ZBTB45: variants seen among roughly 807,000 people sequenced by gnomAD.
ZBTB45 encodes the protein zinc finger and BTB domain-containing protein 45.
A neutral mutation model predicts 28.4 loss-of-function variants in ZBTB45; 22 were observed. The ratio of observed to expected loss-of-function variants is 0.77; its 90% CI spans 0.55 to 1.10. ZBTB45 has a LOEUF of 1.10. Ranked by LOEUF, ZBTB45 falls within the 50% of genes least tolerant of loss-of-function variation. The pLI, the probability that ZBTB45 is intolerant of heterozygous loss-of-function variation, is 0.00. For missense variants in ZBTB45, 656 were observed against 750.2 expected (o/e 0.87, Z 1.47); for synonymous variants, 361 against 332.3 (o/e 1.09, Z -0.94).
intron 1 of ZBTB45, among the ~76,000 whole-genome samples, chr19:58,532,150 A>C (rs2053638390): frequency 3.9e-5 from 6 of 152,160 alleles, no homozygotes; most frequent in Admixed American, 3.9e-4. Flanking sequence ...TGGAGCTCTG[A>C]ACAGTCCCTT....
At chr19:58,518,713 A>G (rs1044908827) in intron 1 of ZBTB45, among the ~76,000 whole-genome samples, 3 of 151,954 alleles carry the variant, frequency 2.0e-5, no homozygotes, top group Admixed American at 6.5e-5. Flanking sequence ...TTCCCCTTCT[A>G]TCAAACAAGG....
intron 1 of ZBTB45, among the ~76,000 whole-genome samples, chr19:58,536,322 C>T (rs1394505162): frequency 1.3e-5 from 2 of 151,978 alleles, no homozygotes; most frequent in East Asian, 1.9e-4. Context: ...AAAAATTAGC[C>T]GGGCATGGTG....
chr19:58,516,230 C>T lies in ZBTB45; in HGVS notation c.1279+165G>A, dbSNP rs2053491371. 6.6e-6 allele frequency among the ~76,000 whole-genome samples: 1 copy of T among 152,142 alleles called. No individual in the cohort carries two copies. Among genetic ancestry groups the T allele is most frequent in the Admixed American group, 6.6e-5 (1 of 15,266 alleles). ...TGCTGCTCCACAGAGTGGGGCTTTCCCCTCCCCCACATACCTTGCACTTGG... is the reference window on the plus strand; with the variant it reads ...TGCTGCTCCACAGAGTGGGGCTTTCTCCTCCCCCACATACCTTGCACTTGG... On this transcript the variant is annotated intron_variant, in intron 2 of 2. Coordinates refer to ENST00000594051, the MANE Select transcript of ZBTB45 (RefSeq NM_001316979.2). This position sits in a 1 kb window ranked among gnomAD's most constrained non-coding sequence, Gnocchi z 6.2.
intron 1 of ZBTB45, among the ~76,000 whole-genome samples, chr19:58,527,351 T>C (rs1200737986): frequency 6.6e-6 from 1 of 152,170 alleles, no homozygotes; most frequent in Admixed American, 6.5e-5. Context: ...TATTGTGTTG[T>C]GTAACCTTCA....
rs73066248 is a variant in ZBTB45 at position 58,533,393 on chromosome 19, G to C, written c.-1+5308C>G. Among the ~76,000 whole-genome samples the C allele has an allele frequency of 5.8e-3, 879 of 152,246 alleles. 16 individuals carry two copies. The highest frequency in any genetic ancestry group is 8.4e-3 in the Non-Finnish European group (572 of 68,024). ...TTTAGAGGACACAATTCAGTCCACA[G>C]CAACGATGCATAGAAGACAAGGCAA... On this transcript the variant is annotated intron_variant, in intron 1 of 1. Coordinates refer to the ZBTB45 transcript ENST00000600130.
At position 58,517,686 on chromosome 19, in the gene ZBTB45, AGAG is replaced by A. The variant is rs1452554686; in HGVS notation, c.1-16_1-14del. 2 of 1,606,576 alleles carry A rather than the reference AGAG, an allele frequency of 1.2e-6. No homozygotes were observed. The highest frequency in any genetic ancestry group is 1.3e-5 in the African/African-American group (1 of 74,786). On this transcript the variant is annotated splice_polypyrimidine_tract_variant and intron_variant, in intron 1 of 2. Coordinates refer to ENST00000594051, the MANE Select transcript of ZBTB45 (RefSeq NM_001316979.2). ...CTGCAGCCGCCATCTGCACAGAACA[AGAG>A]GAGGGCAGGGAGAGGTCAACTGAGG...
upstream of ZBTB45, among the ~76,000 whole-genome samples, chr19:58,522,548 T>G (rs1277262981): frequency 1.3e-4 from 20 of 151,846 alleles, no homozygotes; most frequent in Non-Finnish European, 5.9e-5. Flanking sequence ...GGCAGGAGAA[T>G]CGCTTGAACC....
Position 58,517,050 on chromosome 19 carries a change from G to C in ZBTB45, c.624C>G (p.Asp208Glu). The change falls in exon 2 of 3, where the codon GAC (aspartate) becomes GAG (glutamate). Residue 208 changes from aspartate to glutamate, a missense_variant. Physicochemically the swap from Asp to Glu is conservative, Grantham distance 45. Coordinates refer to ENST00000594051, the MANE Select transcript of ZBTB45 (RefSeq NM_001316979.2). The part of the protein sequence containing the change: ...SLSAAPDDRG[D>E]EDDEESDDET... Reference sequence around the variant, plus strand: ...CATCGTCACTTTCCTCGTCATCCTCGTCACCTCGGTCATCAGGGGCCGCGG... The same window carrying C: ...CATCGTCACTTTCCTCGTCATCCTCCTCACCTCGGTCATCAGGGGCCGCGG... 1 of 1,613,224 alleles carries C rather than the reference G, an allele frequency of 6.2e-7. No homozygotes were observed. The highest frequency in any genetic ancestry group is 8.5e-7 in the Non-Finnish European group (1 of 1,180,008).
intron 1 of ZBTB45, chr19:58,519,302 G>T (rs545844242): frequency 2.9e-4 from 44 of 152,432 alleles, no homozygotes; most frequent in African/African-American, 1.0e-3. Flanking sequence ...GGCCGATGGG[G>T]ACGGAAACTT....
At chr19:58,525,147 A>T (rs2053601071) in intron 1 of ZBTB45, among the ~76,000 whole-genome samples, 1 of 151,374 alleles carries the variant, frequency 6.6e-6, no homozygotes, top group Non-Finnish European at 1.5e-5. Context: ...CAGGATCCCA[A>T]CCTCCCTCCA....
At chr19:58,538,703 G>A (rs977179137) in exon 1 of ZBTB45, 1 of 152,166 alleles carries the variant, frequency 6.6e-6, no homozygotes, top group Non-Finnish European at 1.5e-5. Context: ...ACCTTTACCT[G>A]TGCGCGCCTT....
At chr19:58,537,465 T>C (rs1043695977) in intron 1 of ZBTB45, among the ~76,000 whole-genome samples, 1 of 152,096 alleles carries the variant, frequency 6.6e-6, no homozygotes, top group African/African-American at 2.4e-5. Flanking sequence ...TGCCAGGGCC[T>C]GGGGAGGGCC....
chr19:58,529,751 C>T (rs954971626), intron 1 of ZBTB45, among the ~76,000 whole-genome samples: 14 of 152,188 alleles, frequency 9.2e-5, no homozygotes, highest in African/African-American at 3.1e-4. Context: ...AATGCTATCC[C>T]TCCCCTAGAC....
At chr19:58,535,350 C>T (rs1478953338) in intron 1 of ZBTB45, among the ~76,000 whole-genome samples, 2 of 151,646 alleles carry the variant, frequency 1.3e-5, no homozygotes, top group African/African-American at 2.4e-5. Context: ...ATAATAGACA[C>T]GGGGCCAGGC....
chr19:58,522,766 G>A (rs2053585477), upstream of ZBTB45, among the ~76,000 whole-genome samples: 1 of 152,160 alleles, frequency 6.6e-6, no homozygotes, highest in Non-Finnish European at 1.5e-5. Context: ...AAGAGCATAA[G>A]GGTAGGTGGG....
At chr19:58,527,902 G>T (rs2053616059) in intron 1 of ZBTB45, among the ~76,000 whole-genome samples, 1 of 152,202 alleles carries the variant, frequency 6.6e-6, no homozygotes, top group Non-Finnish European at 1.5e-5. Flanking sequence ...AGGAGTTTGA[G>T]ACCAGGCTGG....
chr19:58,537,403 T>C (rs2053665456), intron 1 of ZBTB45, among the ~76,000 whole-genome samples: 1 of 152,102 alleles, frequency 6.6e-6, no homozygotes, highest in East Asian at 1.9e-4. Context: ...CTCTCTATTG[T>C]GCAGAGAGAA....
upstream of ZBTB45, among the ~76,000 whole-genome samples, chr19:58,521,366 CAAA>C (rs1180915172): frequency 1.4e-4 from 13 of 93,800 alleles, no homozygotes; most frequent in Non-Finnish European, 2.5e-4. Context: ...CACTCAGTCT[CAAA>C]AAAAAAAAAA....
chr19:58,516,641 G>A lies in ZBTB45; in HGVS notation c.1033C>T (p.Pro345Ser), dbSNP rs75590282. ...HLGAPGPPAPPPSAPSGPAPA... is the reference protein window; with the variant it reads ...HLGAPGPPAPSPSAPSGPAPA... ...GCTGGCCCCGATGGTGCTGAAGGGG[G>A]TGGTGCGGGTGGCCCAGGGGCACCC... The change falls in exon 2 of 3, where the codon CCC (proline) becomes TCC (serine). Residue 345 changes from proline to serine, a missense_variant. Around this residue, in one of 3 missense-constraint regions of ZBTB45, gnomAD observed 448 missense variants for 444.3 expected, o/e 1.01. Coordinates refer to ENST00000594051, the MANE Select transcript of ZBTB45 (RefSeq NM_001316979.2). This position sits in a 1 kb window ranked among gnomAD's most constrained non-coding sequence, Gnocchi z 6.2. 1.3e-3 allele frequency: 2,096 copies of A among 1,560,836 alleles called. 36 individuals are homozygous for A. In the African/African-American group the frequency reaches 0.025, roughly 19 times the overall value.
Sources: gnomAD v4.1 joint callset for allele counts (sites outside exome capture counted in the v4.1 genomes callset) on GRCh38, gnomAD v4.1.1 for gene constraint, gnomAD v4.1.1 regional missense constraint, Gnocchi (gnomAD v3.1) non-coding constraint, MANE v1.5 for transcripts, NCBI Gene and HGNC (gene_info 2026-07-23, HGNC 2026-07-21) for gene names.